Variants in SPTBN1 observed in about 807,000 individuals in gnomAD.
The protein encoded by SPTBN1 is spectrin beta, non-erythrocytic 1, also known as spectrin beta chain, non-erythrocytic 1.
A neutral mutation model predicts 266.4 loss-of-function variants in SPTBN1; 32 were observed. That is an observed-to-expected ratio of 0.12 (90% confidence interval 0.09 to 0.16). The LOEUF (loss-of-function observed/expected upper bound fraction) is 0.16, where lower values mean the gene tolerates loss of function less well. Ranked by LOEUF, SPTBN1 falls within the 10% of genes least tolerant of loss-of-function variation. The pLI is 1.00. For synonymous variants in SPTBN1, 1,336 were observed against 1,162.2 expected (o/e 1.15, Z -3.04); for missense variants, 2,296 against 3,067.1 (o/e 0.75, Z 5.94).
intron 1 of SPTBN1, among the ~76,000 whole-genome samples, chr2:54,506,891 T>G (rs1366606657): frequency 4.8e-5 from 2 of 41,588 alleles, no homozygotes; most frequent in Non-Finnish European, 9.6e-5. Flanking sequence ...TCTGGTTCTC[T>G]CTCTTTTTTT....
chr2:54,547,773 G>A (rs1259452024), intron 2 of SPTBN1, among the ~76,000 whole-genome samples: 1 of 152,184 alleles, frequency 6.6e-6, no homozygotes, highest in African/African-American at 2.4e-5. Flanking sequence ...TGGAGAGGTA[G>A]TTATAGGTGA....
chr2:54,583,262 G>A (rs536184059), intron 2 of SPTBN1, among the ~76,000 whole-genome samples: 14 of 152,094 alleles, frequency 9.2e-5, no homozygotes, highest in South Asian at 2.1e-4. Flanking sequence ...GTTCCCATGC[G>A]GTATAATTAC....
chr2:54,576,682 A>C (rs1447819051), intron 2 of SPTBN1, among the ~76,000 whole-genome samples: 1 of 152,198 alleles, frequency 6.6e-6, no homozygotes, highest in Non-Finnish European at 1.5e-5. Context: ...TTTAGCTTGA[A>C]GATCACTGAG....
Position 54,670,342 on chromosome 2 carries a change from C to T in SPTBN1, c.*1773C>T, listed in dbSNP as rs186087995. Reference sequence around the variant, plus strand: ...ATCTGGGTATGTTGACTCCATGCCACTTGCATAAAGCAGCAATGGATATTA... The same window carrying T: ...ATCTGGGTATGTTGACTCCATGCCATTTGCATAAAGCAGCAATGGATATTA... On this transcript the variant is annotated 3_prime_UTR_variant, in exon 36 of 36. Transcript: ENST00000356805. 4 of 191,868 alleles carry T rather than the reference C, an allele frequency of 2.1e-5. No individual in the cohort carries two copies. Among genetic ancestry groups the T allele is most frequent in the Non-Finnish European group, 2.1e-5 (2 of 94,464 alleles). The allele number at this position is 191,868 out of a possible 1,614,324, so 11.9% of individuals were successfully genotyped here.
chr2:54,561,773 T>C (rs1673321732), intron 2 of SPTBN1, among the ~76,000 whole-genome samples: 1 of 140,070 alleles, frequency 7.1e-6, no homozygotes, highest in South Asian at 2.1e-4. Flanking sequence ...TTATATATAG[T>C]TTAAAATAAA....
intron 1 of SPTBN1, among the ~76,000 whole-genome samples, chr2:54,486,626 T>A (rs1263036511): frequency 1.3e-5 from 2 of 152,048 alleles, no homozygotes; most frequent in African/African-American, 4.8e-5. Flanking sequence ...CAGAGACCTT[T>A]TTTCACTTGT....
At chr2:54,638,602 G>A (rs1269333424) in intron 18 of SPTBN1, among the ~76,000 whole-genome samples, 1 of 152,224 alleles carries the variant, frequency 6.6e-6, no homozygotes, top group African/African-American at 2.4e-5. Context: ...TAGTTTCTCT[G>A]CACGCTAGTT....
At chr2:54,662,174 TG>T in intron 32 of SPTBN1, 1 of 985,454 alleles carries the variant, frequency 1.0e-6, no homozygotes, top group Non-Finnish European at 1.2e-6. Context: ...GGGGTGGGGT[TG>T]CGAGGGATGT....
At chr2:54,595,918 T>A (rs889000474) in intron 2 of SPTBN1, among the ~76,000 whole-genome samples, 2 of 152,210 alleles carry the variant, frequency 1.3e-5, no homozygotes, top group East Asian at 3.8e-4. Flanking sequence ...CTGCTAAATG[T>A]GCCGAGGAAT....
At chr2:54,481,458 G>C (rs1668103378) in intron 1 of SPTBN1, among the ~76,000 whole-genome samples, 1 of 149,880 alleles carries the variant, frequency 6.7e-6, no homozygotes, top group South Asian at 2.1e-4. Context: ...TTGTTTGTTT[G>C]TTTGTTTGTT....
chr2:54,642,518 A>G (rs1379304550), intron 18 of SPTBN1, among the ~76,000 whole-genome samples: 2 of 139,656 alleles, frequency 1.4e-5, no homozygotes, highest in East Asian at 4.1e-4. Flanking sequence ...GGGGGAGGTA[A>G]TAAATAAGTA....
At chr2:54,595,759 T>C (rs1424166783) in intron 2 of SPTBN1, among the ~76,000 whole-genome samples, 1 of 152,166 alleles carries the variant, frequency 6.6e-6, no homozygotes, top group Non-Finnish European at 1.5e-5. Flanking sequence ...CTAGCACCGC[T>C]GATATTTTGG....
chr2:54,523,056 A>C (rs937009717), intron 1 of SPTBN1, among the ~76,000 whole-genome samples: 2 of 152,222 alleles, frequency 1.3e-5, no homozygotes, highest in African/African-American at 2.4e-5. Context: ...TGAATTTTAT[A>C]AAAGTCTCTG....
At chr2:54,532,551 G>T (rs1462135048) in intron 2 of SPTBN1, among the ~76,000 whole-genome samples, 1 of 152,160 alleles carries the variant, frequency 6.6e-6, no homozygotes, top group African/African-American at 2.4e-5. Flanking sequence ...CCCCACTTCT[G>T]AGGTGTTACT....
intron 2 of SPTBN1, among the ~76,000 whole-genome samples, chr2:54,584,784 C>T (rs1246140798): frequency 6.6e-6 from 1 of 152,192 alleles, no homozygotes; most frequent in African/African-American, 2.4e-5. Context: ...GTCAAGGTAG[C>T]TGAACAATAA....
In SPTBN1 at chr2:54,649,938, A is replaced by G. The variant is rs368271424; in HGVS notation, c.5526A>G (p.Leu1842=). Residue 1842 remains leucine (L), a synonymous_variant, in exon 26 of 36, where the codon TTA becomes TTG. Transcript: ENST00000356805. The surrounding 1 kb of genome is among the most constrained non-coding windows in gnomAD (Gnocchi z 6.7). The part of the protein sequence containing the change: ...LGRDQNTVET[L]QRMHTTFEHD... The stretch of plus-strand genomic sequence containing the variant: ...GAGATCAGAACACAGTGGAGACCTT[A>G]CAGAGAATGCACACTACATTTGAGC... 23 of 1,614,164 alleles carry G rather than the reference A, an allele frequency of 1.4e-5. No homozygotes were observed. In the African/African-American group the frequency reaches 2.8e-4, roughly 20 times the overall value.
intron 2 of SPTBN1, among the ~76,000 whole-genome samples, chr2:54,544,732 C>T (rs1361905750): frequency 6.6e-6 from 1 of 152,094 alleles, no homozygotes; most frequent in Non-Finnish European, 1.5e-5. Context: ...GTAGGCTATA[C>T]AAACTTGAAC....
rs201990044 is a variant in SPTBN1, at chr2:54,668,680, AT to A, written c.*126del. 136,048 of 531,600 alleles carry A rather than the reference AT, an allele frequency of 0.26. 58 individuals carry two copies. Among genetic ancestry groups the A allele is most frequent in the South Asian group, 0.34 (13,727 of 40,122 alleles). 32.9% of individuals were successfully genotyped at this position (531,600 alleles called of 1,614,324 possible). On this transcript the variant is annotated 3_prime_UTR_variant, in exon 36 of 36. Transcript: ENST00000356805. ...TGCCTAATGTTCCTCAATGTGGTTG[AT>A]TTTTTTTTTTTTTTAATTTATAGAG...
intron 2 of SPTBN1, chr2:54,527,667 C>G (rs1433735894): frequency 1.3e-5 from 2 of 152,238 alleles, no homozygotes; most frequent in African/African-American, 2.4e-5. Flanking sequence ...CAAGCAGGCT[C>G]CATCCTGTAG....
Sources: allele counts gnomAD v4.1 joint callset (sites outside exome capture counted in the v4.1 genomes callset), GRCh38; gene constraint gnomAD v4.1.1; non-coding constraint Gnocchi (gnomAD v3.1); transcripts MANE v1.5; gene names NCBI Gene and HGNC (gene_info 2026-07-23, HGNC 2026-07-21).